The following NECAB1 variants were observed in gnomAD, a reference collection of about 807,000 sequenced individuals.
The protein encoded by NECAB1 is N-terminal EF-hand calcium-binding protein 1.
Under a neutral mutation model 57.5 loss-of-function variants are expected in NECAB1, and 29 were observed. The ratio of observed to expected loss-of-function variants is 0.50; its 90% confidence interval spans 0.38 to 0.69. The LOEUF is 0.69. Among genes scored for constraint, NECAB1 ranks in the 30% least tolerant of loss-of-function variants. The probability of loss-of-function intolerance (pLI) is 0.00; values close to 1 mark genes in which losing one functional copy is unlikely to be tolerated. For missense variants in NECAB1, 372 were observed against 413.8 expected (o/e 0.90, Z 0.88); for synonymous variants, 142 against 147.7 (o/e 0.96, Z 0.28).
rs147731929 is a variant in NECAB1 at position 90,836,529 on chromosome 8, C to G, written c.233+11704C>G. ...TAATTAGAAATCTACCTGTGGTGGGCCATAGGGTTTTATCATTTACATAAC... is the reference window on the plus strand; with the variant it reads ...TAATTAGAAATCTACCTGTGGTGGGGCATAGGGTTTTATCATTTACATAAC... On this transcript the variant is annotated intron_variant, in intron 3 of 12. Transcript: ENST00000417640. Among the ~76,000 whole-genome samples the G allele has an allele frequency of 6.4e-3, 973 of 152,228 alleles. 6 individuals are homozygous for G. The highest frequency in any genetic ancestry group is 0.022 in the African/African-American group (905 of 41,548).
intron 5 of NECAB1, among the ~76,000 whole-genome samples, chr8:90,887,060 T>G (rs922893266): frequency 6.6e-6 from 1 of 152,222 alleles, no homozygotes; most frequent in Non-Finnish European, 1.5e-5. Flanking sequence ...TGTATACACA[T>G]TTGGTAACTA....
intron 10 of NECAB1, among the ~76,000 whole-genome samples, chr8:90,946,096 T>C (rs766646866): frequency 7.9e-5 from 12 of 152,360 alleles, no homozygotes; most frequent in Middle Eastern, 3.4e-3. Flanking sequence ...AGTGTGATCA[T>C]TGTGTGTCAT....
At chr8:90,952,199 G>A (rs549014086) in intron 12 of NECAB1, among the ~76,000 whole-genome samples, 2 of 151,490 alleles carry the variant, frequency 1.3e-5, no homozygotes, top group African/African-American at 4.9e-5. Flanking sequence ...AACCAATTAG[G>A]GCAATAATCT....
chr8:90,880,320 A>G (rs973194184), intron 4 of NECAB1, among the ~76,000 whole-genome samples: 1 of 152,128 alleles, frequency 6.6e-6, no homozygotes, highest in Non-Finnish European at 1.5e-5. Context: ...CTCAATATAT[A>G]AATTTATGTT....
intron 6 of NECAB1, among the ~76,000 whole-genome samples, chr8:90,923,550 T>A (rs2130155404): frequency 6.6e-6 from 1 of 152,316 alleles, no homozygotes; most frequent in East Asian, 1.9e-4. Flanking sequence ...GAGGTTCCAG[T>A]CAGACTTGTA....
At chr8:90,925,082 T>C (rs1389608740) in intron 6 of NECAB1, among the ~76,000 whole-genome samples, 1 of 151,954 alleles carries the variant, frequency 6.6e-6, no homozygotes, top group Non-Finnish European at 1.5e-5. Flanking sequence ...GAATATGATA[T>C]GGGGGTGAAA....
In NECAB1 at chr8:90,791,973, G is replaced by A; in HGVS notation, c.87G>A (p.Ser29=). The A allele has an allele frequency of 1.3e-6, 2 of 1,552,124 alleles. No individual in the cohort carries two copies. Among genetic ancestry groups the A allele is most frequent in the East Asian group, 2.4e-5 (1 of 40,952 alleles). ...CTCTGCACCTGTCCAAGGGCATGTC[G>A]ATCTTCCTCGACGTAAGTACAGATG... The part of the protein sequence containing the change: ...SSALHLSKGM[S]IFLDILRRAD... Residue 29 remains serine, a synonymous_variant, in exon 1 of 13, where the codon TCG becomes TCA. Coordinates refer to ENST00000417640, the MANE Select transcript of NECAB1 (RefSeq NM_022351.5).
chr8:90,826,497 T>A (rs1190269262), intron 3 of NECAB1, among the ~76,000 whole-genome samples: 2 of 151,940 alleles, frequency 1.3e-5, no homozygotes, highest in Non-Finnish European at 2.9e-5. Flanking sequence ...TACTGGGATA[T>A]GATGCTTTAA....
chr8:90,791,882 C>G lies in NECAB1; in HGVS notation c.-5C>G, dbSNP rs530467615. The G allele has an allele frequency of 2.6e-6, 4 of 1,549,872 alleles. No individual in the cohort carries two copies. Among genetic ancestry groups the G allele is most frequent in the African/African-American group, 1.4e-5 (1 of 73,148 alleles). ...CTCCGCCTGAGGCCGTCAGGGCTCC[C>G]GAGGATGGAAGATTCCCAGGAGACA... On this transcript the variant is annotated 5_prime_UTR_variant, in exon 1 of 13. Transcript: ENST00000417640.
intron 5 of NECAB1, among the ~76,000 whole-genome samples, chr8:90,903,469 G>A (rs1809557857): frequency 6.6e-6 from 1 of 152,140 alleles, no homozygotes; most frequent in Admixed American, 6.5e-5. Flanking sequence ...TTTTAAGGTA[G>A]TTACTAAAAA....
chr8:90,833,409 T>A (rs1812322505), intron 3 of NECAB1, among the ~76,000 whole-genome samples: 1 of 151,604 alleles, frequency 6.6e-6, no homozygotes, highest in Admixed American at 6.6e-5. Flanking sequence ...GCTTAAATTC[T>A]TTTTTTTTAA....
chr8:90,878,657 T>C (rs1260092399), intron 4 of NECAB1, among the ~76,000 whole-genome samples: 1 of 152,100 alleles, frequency 6.6e-6, no homozygotes, highest in African/African-American at 2.4e-5. Context: ...TGATTGTTCT[T>C]TTTTTCTAAC....
intron 3 of NECAB1, among the ~76,000 whole-genome samples, chr8:90,847,021 C>T (rs1295121082): frequency 4.6e-5 from 7 of 152,280 alleles, no homozygotes; most frequent in African/African-American, 1.4e-4. Context: ...TTCCAACAGT[C>T]CCCCAAAGTC....
chr8:90,860,274 A>G lies in NECAB1; in HGVS notation c.234-11854A>G, dbSNP rs145480881. 6.6e-3 allele frequency among the ~76,000 whole-genome samples: 932 copies of G among 141,600 alleles called. 5 individuals are homozygous for G. Among genetic ancestry groups the G allele is most frequent in the Middle Eastern group, 0.015 (4 of 266 alleles). 92.9% of individuals were successfully genotyped at this position (141,600 alleles called of 152,430 possible). A position where few individuals can be genotyped will look rare whatever the true frequency, so the allele number is the denominator to read the frequency against. On this transcript the variant is annotated intron_variant, in intron 3 of 12. Coordinates refer to ENST00000417640, the MANE Select transcript of NECAB1 (RefSeq NM_022351.5). The stretch of plus-strand genomic sequence containing the variant: ...TTTTTTAACGTTCTAGGTGATTCTA[A>G]TGGGCAGCCAGTTTTGAGGATCACT...
At chr8:90,888,799 TTG>T (rs1240858029) in intron 5 of NECAB1, among the ~76,000 whole-genome samples, 3 of 152,172 alleles carry the variant, frequency 2.0e-5, no homozygotes, top group Admixed American at 6.5e-5. Context: ...CCACATGGTA[TTG>T]TGTGACATCC....
intron 2 of NECAB1, among the ~76,000 whole-genome samples, chr8:90,817,694 T>C (rs1160858213): frequency 6.6e-6 from 1 of 151,878 alleles, no homozygotes; most frequent in African/African-American, 2.4e-5. Flanking sequence ...TTTTAAGCAT[T>C]GTTGGATTTG....
At chr8:90,858,598 C>T (rs1812838073) in intron 3 of NECAB1, among the ~76,000 whole-genome samples, 1 of 141,102 alleles carries the variant, frequency 7.1e-6, no homozygotes, top group South Asian at 2.2e-4. Context: ...AATTACAATA[C>T]AAGAAAAAAA....
intron 5 of NECAB1, among the ~76,000 whole-genome samples, chr8:90,894,404 A>G (rs1809272607): frequency 6.6e-6 from 1 of 152,232 alleles, no homozygotes; most frequent in Non-Finnish European, 1.5e-5. Flanking sequence ...TGTGGGATAA[A>G]TGGAGAGATG....
At chr8:90,847,328 G>A (rs983530870) in intron 3 of NECAB1, among the ~76,000 whole-genome samples, 2 of 152,208 alleles carry the variant, frequency 1.3e-5, no homozygotes, top group Non-Finnish European at 2.9e-5. Context: ...GATCCAAGAG[G>A]GGGTTTCCCA....
Sources: allele counts gnomAD v4.1 joint callset (sites outside exome capture counted in the v4.1 genomes callset), GRCh38; gene constraint gnomAD v4.1.1; transcripts MANE v1.5; gene names NCBI Gene and HGNC (gene_info 2026-07-23, HGNC 2026-07-21).